Variants in ABTB3 observed in about 807,000 individuals in gnomAD.
ABTB3 encodes the protein ankyrin repeat and BTB domain containing 3, also known as ankyrin repeat- and BTB/POZ domain-containing protein 3.
the ABTB3 span, among the ~76,000 whole-genome samples, chr12:107,537,955 G>A: frequency 6.6e-6 from 1 of 152,148 alleles, no homozygotes; most frequent in Admixed American, 6.5e-5. Flanking sequence ...GGCTGGGGCT[G>A]CCTTGGAAGA....
the ABTB3 span, among the ~76,000 whole-genome samples, chr12:107,469,866 T>TCTTTC: frequency 1.2e-3 from 90 of 75,574 alleles, 2 homozygotes; most frequent in African/African-American, 4.0e-3. Flanking sequence ...TCTTTCTTTC[T>TCTTTC]TTTCTTTCTT....
At chr12:107,460,284 G>A in the ABTB3 span, among the ~76,000 whole-genome samples, 1 of 152,212 alleles carries the variant, frequency 6.6e-6, no homozygotes, top group Non-Finnish European at 1.5e-5. Flanking sequence ...TTACTCACTG[G>A]AAGATGGGAA....
At chr12:107,461,103 A>G in the ABTB3 span, among the ~76,000 whole-genome samples, 2 of 152,188 alleles carry the variant, frequency 1.3e-5, no homozygotes, top group South Asian at 4.1e-4. Flanking sequence ...GGTGGCAGGC[A>G]AGAGGGCTTA....
chr12:107,505,054 A>G, the ABTB3 span, among the ~76,000 whole-genome samples: 2 of 152,236 alleles, frequency 1.3e-5, no homozygotes, highest in Non-Finnish European at 2.9e-5. Flanking sequence ...GGTAACAGGA[A>G]GAGGCACAGC....
chr12:107,473,839 T>C, the ABTB3 span, among the ~76,000 whole-genome samples: 1 of 151,794 alleles, frequency 6.6e-6, no homozygotes, highest in Admixed American at 6.6e-5. Context: ...TCTTGCTCTG[T>C]TGCTCAGGCT....
the ABTB3 span, among the ~76,000 whole-genome samples, chr12:107,472,243 G>A: frequency 6.6e-6 from 1 of 152,194 alleles, no homozygotes; most frequent in Non-Finnish European, 1.5e-5. Flanking sequence ...CAGCTGGCAC[G>A]TATGTGTACA....
chr12:107,447,933 C>A, the ABTB3 span, among the ~76,000 whole-genome samples: 15 of 152,302 alleles, frequency 9.8e-5, no homozygotes, highest in South Asian at 3.1e-3. Context: ...GGAGCCCTTG[C>A]GGCTCAGGGT....
At chr12:107,348,844 T>C in the ABTB3 span, among the ~76,000 whole-genome samples, 3 of 152,144 alleles carry the variant, frequency 2.0e-5, no homozygotes, top group Non-Finnish European at 4.4e-5. Context: ...TAGTCAGGGA[T>C]GCTATTTTAG....
chr12:107,642,804 T>C, the ABTB3 span, among the ~76,000 whole-genome samples: 1 of 146,758 alleles, frequency 6.8e-6, no homozygotes, highest in Non-Finnish European at 1.5e-5. Context: ...CCAGATGACA[T>C]GACCATTTCT....
chr12:107,465,531 T>G, the ABTB3 span, among the ~76,000 whole-genome samples: 20 of 152,176 alleles, frequency 1.3e-4, no homozygotes, highest in Non-Finnish European at 2.2e-4. Flanking sequence ...GCATCTTCAA[T>G]ATAACAGCAG....
At chr12:107,519,327 TTTTC>T in the ABTB3 span, among the ~76,000 whole-genome samples, 3 of 134,116 alleles carry the variant, frequency 2.2e-5, no homozygotes, top group Non-Finnish European at 4.8e-5. Flanking sequence ...CTTTTTTTCT[TTTTC>T]TTTTTTTTTT....
At chr12:107,351,278 T>C in the ABTB3 span, among the ~76,000 whole-genome samples, 2 of 152,206 alleles carry the variant, frequency 1.3e-5, no homozygotes, top group Non-Finnish European at 2.9e-5. Context: ...AGTTATTTGC[T>C]GAGGGCACTG....
At chr12:107,522,964 A>G in the ABTB3 span, among the ~76,000 whole-genome samples, 773 of 152,304 alleles carry the variant, frequency 5.1e-3, 9 homozygotes, top group African/African-American at 0.017. Context: ...CTGACTAACC[A>G]GAGGAAAGTA....
At chr12:107,600,529 C>A in the ABTB3 span, among the ~76,000 whole-genome samples, 1 of 152,280 alleles carries the variant, frequency 6.6e-6, no homozygotes, top group South Asian at 2.1e-4. Context: ...ATAGTGTAAC[C>A]CAAACCACAA....
chr12:107,491,265 C>T, the ABTB3 span, among the ~76,000 whole-genome samples: 2 of 152,182 alleles, frequency 1.3e-5, no homozygotes, highest in African/African-American at 4.8e-5. Flanking sequence ...TCCCCACATG[C>T]CCAGCCTTCA....
the ABTB3 span, among the ~76,000 whole-genome samples, chr12:107,560,033 TAC>T: frequency 6.6e-6 from 1 of 152,218 alleles, no homozygotes; most frequent in African/African-American, 2.4e-5. Context: ...TGAACATAGT[TAC>T]ACTGTGTATA....
chr12:107,439,564 C>G, the ABTB3 span, among the ~76,000 whole-genome samples: 1 of 152,172 alleles, frequency 6.6e-6, no homozygotes, highest in Non-Finnish European at 1.5e-5. Flanking sequence ...TCTCCTTCCC[C>G]CTGCCCTTCT....
the ABTB3 span, among the ~76,000 whole-genome samples, chr12:107,527,005 A>G: frequency 6.6e-6 from 1 of 151,884 alleles, no homozygotes; most frequent in African/African-American, 2.4e-5. Context: ...AGGCCTTTGC[A>G]CCTGCTGCTC....
chr12:107,354,360 C>T, the ABTB3 span, among the ~76,000 whole-genome samples: 3 of 152,122 alleles, frequency 2.0e-5, no homozygotes, highest in Non-Finnish European at 4.4e-5. Context: ...AAAGAAACCC[C>T]TATAATCTTT....
Sources: allele counts gnomAD v4.1 joint callset (sites outside exome capture counted in the v4.1 genomes callset), GRCh38; gene constraint gnomAD v4.1.1; transcripts MANE v1.5; gene names NCBI Gene and HGNC (gene_info 2026-07-23, HGNC 2026-07-21).